Variants in YME1L1 observed in about 807,000 individuals in gnomAD.
YME1L1 encodes YME1 like 1 ATPase.
YME1L1 carries 39 observed loss-of-function variants against 90.4 expected under a neutral mutation model. The ratio of observed to expected loss-of-function variants is 0.43; its 90% CI spans 0.33 to 0.56. YME1L1 has a LOEUF of 0.56. Ranked by LOEUF, YME1L1 falls within the 20% of genes least tolerant of loss-of-function variation. YME1L1 has a pLI of 0.03. For missense variants in YME1L1, 617 were observed against 868.4 expected, an observed-to-expected ratio of 0.71 and a Z score of 3.64; for synonymous variants, 284 against 287.3, an observed-to-expected ratio of 0.99 and a Z score of 0.12.
chr10:27,132,570 C>T (rs1258313231), intron 7 of YME1L1, among the ~76,000 whole-genome samples: 3 of 151,718 alleles, frequency 2.0e-5, no homozygotes, highest in African/African-American at 7.3e-5. Flanking sequence ...ACCTGTAATC[C>T]CAGCACTTTG....
At chr10:27,123,481 AAAGGGT>A in intron 10 of YME1L1, 60 bp downstream of exon 10, 1 of 1,506,054 alleles carries the variant, frequency 6.6e-7, no homozygotes. Context: ...ATTAGCAAAG[AAAGGGT>A]AAGATACACA....
chr10:27,116,413 A>C (rs2056813733), intron 15 of YME1L1, 68 bp from the exon 16 acceptor site: 1 of 1,558,626 alleles, frequency 6.4e-7, no homozygotes. Context: ...TCACGCCTGA[A>C]TCCCAGCACT....
chr10:27,116,197 A>G (rs376336875), intron 16 of YME1L1, 22 bp downstream of exon 16: 1 of 1,613,952 alleles, frequency 6.2e-7, no homozygotes, highest in African/African-American at 1.3e-5. Context: ...AATTTGAACT[A>G]AAGCCATTCT....
At chr10:27,134,733 A>C (rs1453134029) in intron 6 of YME1L1, 98 bp downstream of exon 6, 1 of 1,228,174 alleles carries the variant, frequency 8.1e-7, no homozygotes, top group African/African-American at 1.5e-5. Flanking sequence ...AATTTAATCA[A>C]TAGATGGTCT....
At chr10:27,127,974 G>A (rs557323292) in intron 8 of YME1L1, among the ~76,000 whole-genome samples, 6 of 152,200 alleles carry the variant, frequency 3.9e-5, no homozygotes, top group Non-Finnish European at 5.9e-5. Flanking sequence ...CCAATTTTAA[G>A]CTGTAGGAAT....
intron 1 of YME1L1, among the ~76,000 whole-genome samples, chr10:27,151,209 C>T (rs1292355167): frequency 6.6e-6 from 1 of 151,944 alleles, no homozygotes; most frequent in African/African-American, 2.4e-5. Context: ...TGCGTGAGTC[C>T]CCGCGCCTGG....
At chr10:27,121,280 T>C (rs926667139) in intron 12 of YME1L1, 106 bp downstream of exon 12, 7 of 800,818 alleles carry the variant, frequency 8.7e-6, no homozygotes, top group Non-Finnish European at 1.5e-5. Context: ...ATATTGCATA[T>C]AAATGGAATC....
intron 2 of YME1L1, 28 bp downstream of exon 2, chr10:27,148,878 T>C: frequency 6.2e-7 from 1 of 1,612,226 alleles, no homozygotes; most frequent in Non-Finnish European, 8.5e-7. Context: ...CAAAAAGGCT[T>C]TCTCACACAA....
At chr10:27,138,616 T>A (rs575313357) in intron 4 of YME1L1, among the ~76,000 whole-genome samples, 1 of 152,158 alleles carries the variant, frequency 6.6e-6, no homozygotes, top group Non-Finnish European at 1.5e-5. Flanking sequence ...CGCTAGAATA[T>A]AAGAAAGCTA....
chr10:27,120,410 G>A, intron 13 of YME1L1, 25 bp downstream of exon 13: 1 of 1,551,100 alleles, frequency 6.4e-7, no homozygotes, highest in Non-Finnish European at 8.9e-7. Context: ...TTACAGAAAT[G>A]ACAAATGTTT....
Position 27,136,258 on chromosome 10 carries a change from A to T in YME1L1, c.540+18T>A. 6.3e-7 allele frequency: 1 copy of T among 1,596,088 alleles called. No homozygotes were observed. Among genetic ancestry groups the T allele is most frequent in the Non-Finnish European group, 8.5e-7 (1 of 1,170,624 alleles). On this transcript the variant is annotated intron_variant, in intron 5 of 18. Coordinates refer to ENST00000376016, the MANE Select transcript of YME1L1 (RefSeq NM_014263.4). The stretch of plus-strand genomic sequence containing the variant: ...CTTGAAAATATTTGCTTTTTGGATC[A>T]TAAAAAGGTCTAATTACCTTCACGA...
Position 27,138,944 on chromosome 10 carries a change from TAA to T in YME1L1, c.431-2561_431-2560del, listed in dbSNP as rs3837306. 6.0e-3 allele frequency among the ~76,000 whole-genome samples: 920 copies of T among 152,274 alleles called. 40 individuals are homozygous for T. In the East Asian group the frequency reaches 0.12, roughly 19 times the overall value. On this transcript the variant is annotated intron_variant, in intron 4 of 18. Coordinates refer to ENST00000376016, the MANE Select transcript of YME1L1 (RefSeq NM_014263.4). ...AAGAGTTTTCAGGAAGCACAGCAAT[TAA>T]AATATATCATGTCTTTTTATCATAC...
chr10:27,142,360 C>T (rs759644858), intron 4 of YME1L1, 27 bp downstream of exon 4: 3 of 1,281,668 alleles, frequency 2.3e-6, no homozygotes, highest in South Asian at 1.8e-5. Context: ...ATTTTTTTTT[C>T]CACAATTTAT....
Position 27,145,544 on chromosome 10 carries a change from C to T in YME1L1, c.215G>A (p.Gly72Glu). The T allele has an allele frequency of 6.2e-7, 1 of 1,613,394 alleles. No individual in the cohort carries two copies. The highest frequency in any genetic ancestry group is 8.5e-7 in the Non-Finnish European group (1 of 1,179,658). Reference sequence around the variant, plus strand: ...ATTTTCTACCAGCTGATCAATCTGTCCAATTTTTAGTTCAGATAATCCAAG... The same window carrying T: ...ATTTTCTACCAGCTGATCAATCTGTTCAATTTTTAGTTCAGATAATCCAAG... Reference protein sequence around the residue: ...RDLGLSELKIGQIDQLVENLL... With the variant: ...RDLGLSELKIEQIDQLVENLL... Residue 72 changes from glycine to glutamate, a missense_variant, in exon 3 of 19, where the codon GGA becomes GAA. Transcript: ENST00000376016.
chr10:27,147,122 T>C (rs2057152409), intron 2 of YME1L1: 2 of 448,134 alleles, frequency 4.5e-6, no homozygotes, highest in South Asian at 9.2e-5. Flanking sequence ...ATGGCCAAAC[T>C]GTGAAGAGCC....
chr10:27,137,226 C>G (rs1365465535), intron 4 of YME1L1, among the ~76,000 whole-genome samples: 1 of 152,228 alleles, frequency 6.6e-6, no homozygotes, highest in African/African-American at 2.4e-5. Context: ...TGCATGCACA[C>G]AGGTGCTCTT....
intron 8 of YME1L1, chr10:27,129,100 A>AC (rs2056950788): frequency 6.7e-6 from 1 of 150,328 alleles, no homozygotes; most frequent in South Asian, 2.2e-4. Flanking sequence ...AAAAAAAAAA[A>AC]AAAAAAAAAA....
chr10:27,150,554 C>A (rs1347644059), intron 1 of YME1L1, among the ~76,000 whole-genome samples: 1 of 152,160 alleles, frequency 6.6e-6, no homozygotes, highest in Non-Finnish European at 1.5e-5. Flanking sequence ...AGGAAGCCAG[C>A]CAAATCCCAC....
intron 1 of YME1L1, 51 bp from the exon 2 acceptor site, chr10:27,149,091 GAACA>G (rs774419632): frequency 6.2e-6 from 9 of 1,461,094 alleles, no homozygotes. Flanking sequence ...TAAATAAACA[GAACA>G]ATCTCCTTTT....
Sources: gnomAD v4.1 joint callset for allele counts (sites outside exome capture counted in the v4.1 genomes callset) on GRCh38, gnomAD v4.1.1 for gene constraint, MANE v1.5 for transcripts, NCBI Gene and HGNC (gene_info 2026-07-23, HGNC 2026-07-21) for gene names.